Variants in GALNT1 observed in about 807,000 individuals in gnomAD.
The protein encoded by GALNT1 is GalNAc transferase 1.
Under a neutral mutation model 65.7 loss-of-function variants are expected in GALNT1, and 17 were observed. The ratio of observed to expected loss-of-function variants is 0.26; its 90% CI spans 0.18 to 0.39. The LOEUF is 0.39. Among genes scored for constraint, GALNT1 ranks in the 10% least tolerant of loss-of-function variants. The pLI, the probability that GALNT1 is intolerant of heterozygous loss-of-function variation, is 1.00. For missense variants in GALNT1, 460 were observed against 672.8 expected (o/e 0.68, Z 3.50); for synonymous variants, 210 against 219.7 (o/e 0.96, Z 0.39).
intron 1 of GALNT1, among the ~76,000 whole-genome samples, chr18:35,626,206 C>T (rs2046914779): frequency 6.6e-6 from 1 of 152,216 alleles, no homozygotes; most frequent in Non-Finnish European, 1.5e-5. Context: ...GACATGCAAA[C>T]TCACTTTGTT....
chr18:35,593,307 T>C (rs1267170185), intron 1 of GALNT1, among the ~76,000 whole-genome samples: 4 of 152,310 alleles, frequency 2.6e-5, no homozygotes, highest in African/African-American at 9.6e-5. Context: ...AAAGATTCTT[T>C]CTCTGCTCTC....
intron 2 of GALNT1, among the ~76,000 whole-genome samples, chr18:35,659,254 G>A (rs1249189198): frequency 9.2e-5 from 14 of 152,212 alleles, no homozygotes; most frequent in Admixed American, 9.2e-4. Context: ...TGATGTCATT[G>A]TGATAATGCT....
chr18:35,686,395 G>T (rs1045399864), intron 5 of GALNT1, among the ~76,000 whole-genome samples: 1 of 152,128 alleles, frequency 6.6e-6, no homozygotes, highest in Non-Finnish European at 1.5e-5. Flanking sequence ...AAAAATAGTT[G>T]GGATGCTTCT....
intron 1 of GALNT1, among the ~76,000 whole-genome samples, chr18:35,648,612 C>T (rs1054517339): frequency 1.3e-5 from 2 of 152,172 alleles, no homozygotes; most frequent in Non-Finnish European, 2.9e-5. Context: ...AAATAAGCAA[C>T]TTTTAGTTAC....
chr18:35,645,218 G>GTT lies in GALNT1; in HGVS notation c.-103-9317_-103-9316dup, dbSNP rs1166987925. ...TTGGGTTTTCATAGCTATTTTGAAT[G>GTT]TTTTTTTTTTTTTTTTTTTTTTTTT... On this transcript the variant is annotated intron_variant, in intron 1 of 11. Transcript: ENST00000269195. Among the ~76,000 whole-genome samples the GTT allele has an allele frequency of 4.1e-3, 225 of 54,368 alleles. 42 individuals are homozygous for GTT. The highest frequency in any genetic ancestry group is 9.2e-3 in the East Asian group (17 of 1,842). 35.7% of individuals were successfully genotyped at this position (54,368 alleles called of 152,430 possible). A position where few individuals can be genotyped will look rare whatever the true frequency, so the allele number is the denominator to read the frequency against.
intron 11 of GALNT1, among the ~76,000 whole-genome samples, chr18:35,707,657 A>C (rs1465606677): frequency 6.6e-6 from 1 of 152,210 alleles, no homozygotes; most frequent in Non-Finnish European, 1.5e-5. Context: ...AGATGAGTGA[A>C]ATGCACATTT....
chr18:35,698,410 A>G (rs945027512), intron 9 of GALNT1, among the ~76,000 whole-genome samples: 1 of 152,192 alleles, frequency 6.6e-6, no homozygotes, highest in Non-Finnish European at 1.5e-5. Flanking sequence ...TAGAGGTTGC[A>G]GTGAGCCAAG....
chr18:35,682,600 A>G (rs73948117), intron 4 of GALNT1, among the ~76,000 whole-genome samples: 2,586 of 152,162 alleles, frequency 0.017, 40 homozygotes, highest in African/African-American at 0.032. Flanking sequence ...AGGAAGTTGC[A>G]CCTTTTCTGC....
intron 1 of GALNT1, among the ~76,000 whole-genome samples, chr18:35,618,853 T>C (rs1373308276): frequency 6.6e-6 from 1 of 152,108 alleles, no homozygotes; most frequent in Non-Finnish European, 1.5e-5. Flanking sequence ...TCTTAACTGA[T>C]AGCAATGCAG....
intron 3 of GALNT1, among the ~76,000 whole-genome samples, chr18:35,665,853 A>G (rs1178699946): frequency 6.6e-6 from 1 of 152,232 alleles, no homozygotes; most frequent in Non-Finnish European, 1.5e-5. Context: ...TACTAGAGAT[A>G]GGACGCTACC....
chr18:35,695,741 T>C (rs1290002620), intron 9 of GALNT1, among the ~76,000 whole-genome samples: 1 of 152,218 alleles, frequency 6.6e-6, no homozygotes, highest in Non-Finnish European at 1.5e-5. Context: ...TTCTTGAGCC[T>C]TTCATTCTCA....
intron 3 of GALNT1, among the ~76,000 whole-genome samples, chr18:35,670,012 G>C (rs148598320): frequency 2.0e-5 from 3 of 152,158 alleles, no homozygotes; most frequent in Non-Finnish European, 4.4e-5. Flanking sequence ...TTTAGAGACC[G>C]GTCACGGTGA....
At chr18:35,620,022 A>G (rs1457077879) in intron 1 of GALNT1, among the ~76,000 whole-genome samples, 1 of 152,180 alleles carries the variant, frequency 6.6e-6, no homozygotes, top group Non-Finnish European at 1.5e-5. Context: ...GTTTGGCAGC[A>G]TCGCAAAGGT....
rs187728700 is a variant in GALNT1 at position 35,648,421 on chromosome 18, C to T, written c.-103-6139C>T. On this transcript the variant is annotated intron_variant, in intron 1 of 11. Coordinates refer to ENST00000269195, the MANE Select transcript of GALNT1 (RefSeq NM_020474.4). ...TGGTTAGTTGTATTAAAGGCATTTT[C>T]GACTTTCGACTTAAGATGTTTTCAA... Among the ~76,000 whole-genome samples the T allele has an allele frequency of 1.1e-3, 160 of 152,220 alleles. 1 individual carries two copies. The highest frequency in any genetic ancestry group is 1.5e-3 in the Non-Finnish European group (101 of 68,012).
intron 1 of GALNT1, among the ~76,000 whole-genome samples, chr18:35,604,427 A>AATAC (rs148004263): frequency 0.012 from 1,826 of 152,266 alleles, 36 homozygotes; most frequent in African/African-American, 0.041. Flanking sequence ...TATTCCTTTG[A>AATAC]ATACATACCC....
At chr18:35,613,831 C>A (rs1423700940) in intron 1 of GALNT1, among the ~76,000 whole-genome samples, 2 of 151,930 alleles carry the variant, frequency 1.3e-5, no homozygotes, top group African/African-American at 4.8e-5. Context: ...CAGTTCCACT[C>A]TAACTGGATT....
intron 1 of GALNT1, among the ~76,000 whole-genome samples, chr18:35,635,386 C>T (rs572186271): frequency 1.3e-5 from 2 of 152,302 alleles, no homozygotes; most frequent in South Asian, 4.1e-4. Context: ...CATAATAAAT[C>T]TTAATGATTA....
At chr18:35,678,346 C>G (rs539618423) in intron 4 of GALNT1, among the ~76,000 whole-genome samples, 3 of 141,250 alleles carry the variant, frequency 2.1e-5, no homozygotes, top group Non-Finnish European at 4.6e-5. Flanking sequence ...AGACTCTTGC[C>G]CACGTCCTTC....
intron 9 of GALNT1, among the ~76,000 whole-genome samples, chr18:35,700,017 G>A (rs993848999): frequency 4.6e-5 from 7 of 152,042 alleles, no homozygotes; most frequent in Non-Finnish European, 7.4e-5. Context: ...CTTAACTCCC[G>A]GCAAACAAAC....
Sources: gnomAD v4.1 joint callset for allele counts (sites outside exome capture counted in the v4.1 genomes callset) on GRCh38, gnomAD v4.1.1 for gene constraint, MANE v1.5 for transcripts, NCBI Gene and HGNC (gene_info 2026-07-23, HGNC 2026-07-21) for gene names.